CNTLN: variants seen among roughly 807,000 people sequenced by gnomAD.
The protein encoded by CNTLN is centlein.
CNTLN carries 212 observed loss-of-function variants against 180.0 expected under a neutral mutation model. The ratio of observed to expected loss-of-function variants is 1.18; its 90% confidence interval spans 1.05 to 1.32. The LOEUF (loss-of-function observed/expected upper bound fraction) is 1.32. Ranked by LOEUF, CNTLN falls within the 40% of genes most tolerant of loss-of-function variation. The probability of loss-of-function intolerance (pLI) is 0.00; values close to 1 mark genes in which losing one functional copy is unlikely to be tolerated. For missense variants in CNTLN, 2,095 were observed against 1,610.9 expected, an observed-to-expected ratio of 1.30 and a Z score of -5.14; for synonymous variants, 722 against 563.1, an observed-to-expected ratio of 1.28 and a Z score of -3.99.
the CNTLN span, among the ~76,000 whole-genome samples, chr9:17,511,081 A>C: frequency 6.6e-6 from 1 of 152,158 alleles, no homozygotes; most frequent in African/African-American, 2.4e-5. Context: ...TATGTAGTAG[A>C]GATATTTTTC....
chr9:17,238,865 T>A (rs2132174926), intron 5 of CNTLN, among the ~76,000 whole-genome samples: 1 of 152,300 alleles, frequency 6.6e-6, no homozygotes. Flanking sequence ...ATATGGTAAC[T>A]GTTTTTAAGC....
At chr9:17,337,820 T>C (rs562682234) in intron 10 of CNTLN, among the ~76,000 whole-genome samples, 3 of 152,278 alleles carry the variant, frequency 2.0e-5, no homozygotes, top group African/African-American at 7.2e-5. Flanking sequence ...TTGAGAAAAT[T>C]TGTACATCCT....
Position 17,288,183 on chromosome 9 carries a change from A to G in CNTLN, c.984-10007A>G, listed in dbSNP as rs4618793. On this transcript the variant is annotated intron_variant, in intron 6 of 25. Coordinates refer to ENST00000380647, the MANE Select transcript of CNTLN (RefSeq NM_017738.4). ...TCCCTCTACACACTGCTTTGAATGCATCCCAGAGATTCTGGTATGTTGTGT... is the reference window on the plus strand; with the variant it reads ...TCCCTCTACACACTGCTTTGAATGCGTCCCAGAGATTCTGGTATGTTGTGT... Among the ~76,000 whole-genome samples, 714 of 114,436 alleles carry G rather than the reference A, an allele frequency of 6.2e-3. 3 individuals carry two copies. The highest frequency in any genetic ancestry group is 0.054 in the East Asian group (154 of 2,874). The allele number at this position is 114,436 out of a possible 152,430, so 75.1% of individuals were successfully genotyped here.
At chr9:17,252,343 TA>T (rs1172363136) in intron 5 of CNTLN, among the ~76,000 whole-genome samples, 2 of 151,998 alleles carry the variant, frequency 1.3e-5, no homozygotes, top group East Asian at 3.9e-4. Context: ...TACACTAATT[TA>T]CATTTTCACC....
intron 6 of CNTLN, among the ~76,000 whole-genome samples, chr9:17,288,957 T>G: frequency 8.6e-6 from 1 of 116,706 alleles, no homozygotes; most frequent in East Asian, 2.3e-4. Context: ...CTTGACTCTT[T>G]ATCCAATTTG....
chr9:17,312,535 C>T lies in CNTLN; in HGVS notation c.1341+3283C>T, dbSNP rs185078706. The stretch of plus-strand genomic sequence containing the variant: ...CTGAGTAGCTGGGACTACAGGTGCC[C>T]GCCACCAAGCCCGGCTAATTTTTTT... On this transcript the variant is annotated intron_variant, in intron 8 of 25. Coordinates refer to ENST00000380647, the MANE Select transcript of CNTLN (RefSeq NM_017738.4). 3.2e-3 allele frequency among the ~76,000 whole-genome samples: 474 copies of T among 147,736 alleles called. 4 individuals carry two copies. In the East Asian group the frequency reaches 0.047, roughly 14 times the overall value.
intron 5 of CNTLN, among the ~76,000 whole-genome samples, chr9:17,255,537 T>C (rs1400205484): frequency 6.6e-6 from 1 of 151,880 alleles, no homozygotes; most frequent in Non-Finnish European, 1.5e-5. Context: ...AAGGCATAAA[T>C]TCCACTTGGT....
intron 12 of CNTLN, among the ~76,000 whole-genome samples, chr9:17,346,141 G>A (rs894363967): frequency 2.0e-5 from 3 of 152,274 alleles, no homozygotes; most frequent in Admixed American, 6.5e-5. Context: ...GGAAGGTGAA[G>A]GGGAAGCAAG....
chr9:17,460,608 A>G (rs1408410717), intron 19 of CNTLN, among the ~76,000 whole-genome samples: 1 of 151,778 alleles, frequency 6.6e-6, no homozygotes, highest in African/African-American at 2.4e-5. Flanking sequence ...ATCAAATGAA[A>G]TAGCTGTTAG....
chr9:17,266,945 A>T (rs1180311689), intron 5 of CNTLN, among the ~76,000 whole-genome samples: 1 of 151,914 alleles, frequency 6.6e-6, no homozygotes, highest in African/African-American at 2.4e-5. Flanking sequence ...TGCACATGAG[A>T]TGGGTTTCCT....
chr9:17,373,692 A>G (rs574246571), intron 13 of CNTLN, among the ~76,000 whole-genome samples: 1 of 152,324 alleles, frequency 6.6e-6, no homozygotes, highest in Non-Finnish European at 1.5e-5. Flanking sequence ...AACAAAAAGA[A>G]CAAAACTAGA....
intron 18 of CNTLN, among the ~76,000 whole-genome samples, chr9:17,434,169 T>C (rs1292335687): frequency 6.6e-6 from 1 of 152,084 alleles, no homozygotes; most frequent in African/African-American, 2.4e-5. Flanking sequence ...GAAACAACAA[T>C]TTAGTTGATT....
At chr9:17,326,120 A>T (rs927635237) in intron 8 of CNTLN, among the ~76,000 whole-genome samples, 3 of 152,154 alleles carry the variant, frequency 2.0e-5, no homozygotes, top group African/African-American at 7.2e-5. Context: ...TCTGTGAGTC[A>T]GTGTGAAAAA....
At chr9:17,178,958 T>C (rs1223693980) in intron 2 of CNTLN, among the ~76,000 whole-genome samples, 1 of 151,658 alleles carries the variant, frequency 6.6e-6, no homozygotes, top group East Asian at 1.9e-4. Flanking sequence ...GAAGTGTAGA[T>C]TATTGGCCGG....
intron 2 of CNTLN, among the ~76,000 whole-genome samples, chr9:17,148,908 T>C (rs961088373): frequency 3.3e-5 from 5 of 152,176 alleles, no homozygotes; most frequent in African/African-American, 9.7e-5. Context: ...CCCTAGTGGT[T>C]TGCTGCACCC....
intron 18 of CNTLN, among the ~76,000 whole-genome samples, chr9:17,420,844 A>G (rs1828661365): frequency 6.6e-6 from 1 of 152,120 alleles, no homozygotes; most frequent in East Asian, 1.9e-4. Flanking sequence ...CATATTGTGT[A>G]ATTTCCATGT....
chr9:17,419,899 A>G (rs75740676), intron 18 of CNTLN, among the ~76,000 whole-genome samples: 2,662 of 152,186 alleles, frequency 0.017, 75 homozygotes, highest in African/African-American at 0.061. Context: ...ATACAGTGTT[A>G]TTTTTATTGT....
At chr9:17,233,186 C>G (rs1352462720) in intron 3 of CNTLN, among the ~76,000 whole-genome samples, 1 of 151,802 alleles carries the variant, frequency 6.6e-6, no homozygotes, top group South Asian at 2.1e-4. Context: ...TAGTATGATC[C>G]CCACGCTGAA....
chr9:17,155,051 C>G (rs1819173154), intron 2 of CNTLN, among the ~76,000 whole-genome samples: 1 of 152,120 alleles, frequency 6.6e-6, no homozygotes. Flanking sequence ...GGATGCGCCA[C>G]CTTTAAGAGC....
Sources: allele counts gnomAD v4.1 joint callset (sites outside exome capture counted in the v4.1 genomes callset), GRCh38; gene constraint gnomAD v4.1.1; transcripts MANE v1.5; gene names NCBI Gene and HGNC (gene_info 2026-07-23, HGNC 2026-07-21).